Variants in ASTN2 observed in about 807,000 individuals in gnomAD.
ASTN2 encodes astrotactin 2.
ASTN2 carries 54 observed loss-of-function variants against 139.8 expected under a neutral mutation model. That is an observed-to-expected ratio of 0.39 (90% CI 0.31 to 0.48). ASTN2 has a LOEUF of 0.48. ASTN2 is among the 20% of genes least tolerant of loss of function. The pLI is 0.95. For missense variants in ASTN2, 1,565 were observed against 1,725.1 expected (o/e 0.91, Z 1.64); for synonymous variants, 756 against 719.5 (o/e 1.05, Z -0.81).
intron 19 of ASTN2, among the ~76,000 whole-genome samples, chr9:116,495,867 G>A (rs927579444): frequency 6.6e-6 from 1 of 152,016 alleles, no homozygotes. Context: ...TGCTTCCTCG[G>A]GCCCCTTCTT....
chr9:116,936,662 A>G (rs571522009), intron 10 of ASTN2, among the ~76,000 whole-genome samples: 40 of 152,204 alleles, frequency 2.6e-4, no homozygotes, highest in Non-Finnish European at 5.1e-4. Flanking sequence ...GGAATTTTCA[A>G]GCTGTAAAGT....
chr9:116,929,027 C>T (rs942647191), intron 10 of ASTN2, among the ~76,000 whole-genome samples: 1 of 152,200 alleles, frequency 6.6e-6, no homozygotes, highest in South Asian at 2.1e-4. Flanking sequence ...TCTGGCATTC[C>T]TCACATACGC....
At position 117,271,390 on chromosome 9, in the gene ASTN2, G is replaced by A. The variant is rs139634136; in HGVS notation, c.630+19936C>T. Among the ~76,000 whole-genome samples, 469 of 152,306 alleles carry A rather than the reference G, an allele frequency of 3.1e-3. 3 individuals carry two copies. Among genetic ancestry groups the A allele is most frequent in the African/African-American group, 0.01 (436 of 41,564 alleles). The stretch of plus-strand genomic sequence containing the variant: ...CCCACAACATGTGGGAATTCTGGGA[G>A]ATACAATTCAAGTTGAGATTTGGGT... On this transcript the variant is annotated intron_variant, in intron 2 of 22. Coordinates refer to ENST00000313400, the MANE Select transcript of ASTN2 (RefSeq NM_001365068.1).
intron 10 of ASTN2, among the ~76,000 whole-genome samples, chr9:116,896,954 T>C (rs1833894548): frequency 6.6e-6 from 1 of 152,126 alleles, no homozygotes; most frequent in Non-Finnish European, 1.5e-5. Flanking sequence ...GGCTACCAGG[T>C]GGGCAACAAG....
chr9:116,611,958 T>G lies in ASTN2; in HGVS notation c.3355+6366A>C, dbSNP rs1353674831. On this transcript the variant is annotated intron_variant, in intron 19 of 22. Transcript: ENST00000313400. ...AATGATCCTAATTAAAACAAACAGATAAAACAACCTACACATTCCTGGGAT... is the reference window on the plus strand; with the variant it reads ...AATGATCCTAATTAAAACAAACAGAGAAAACAACCTACACATTCCTGGGAT... The G allele has an allele frequency of 3.3e-5, 5 of 152,168 alleles. No individual in the cohort carries two copies. The East Asian group carries it at 9.6e-4, about 29-fold the overall frequency. The allele number at this position is 152,168 out of a possible 1,614,324, so 9.4% of individuals were successfully genotyped here. A position where few individuals can be genotyped will look rare whatever the true frequency, so the allele number is the denominator to read the frequency against.
chr9:116,579,444 T>C (rs905623617), intron 19 of ASTN2, among the ~76,000 whole-genome samples: 2 of 152,210 alleles, frequency 1.3e-5, no homozygotes, highest in African/African-American at 4.8e-5. Flanking sequence ...CAGGGTATAA[T>C]GTGAGAAGCA....
chr9:116,585,248 G>C (rs1268318306), intron 19 of ASTN2: 2 of 152,310 alleles, frequency 1.3e-5, no homozygotes, highest in African/African-American at 4.8e-5. Flanking sequence ...TCTCCTGACA[G>C]AGCATCAATT....
rs559471866 is a variant in ASTN2 at position 117,228,279 on chromosome 9, C to T, written c.631-13537G>A. ...GGTAACTCAAGCAGAGTAACTTAGG[C>T]GCAAAAGAAACAAAGCTGCAAATCT... is the stretch of plus-strand genomic sequence containing the variant. On this transcript the variant is annotated intron_variant, in intron 2 of 22. Coordinates refer to ENST00000313400, the MANE Select transcript of ASTN2 (RefSeq NM_001365068.1). Among the ~76,000 whole-genome samples, 9 of 152,188 alleles carry T rather than the reference C, an allele frequency of 5.9e-5. No homozygotes were observed. In the East Asian group the frequency reaches 9.7e-4, roughly 16 times the overall value.
At chr9:116,621,007 C>T (rs1856116442) in intron 17 of ASTN2, among the ~76,000 whole-genome samples, 1 of 152,198 alleles carries the variant, frequency 6.6e-6, no homozygotes, top group Non-Finnish European at 1.5e-5. Context: ...GTTCTCACCC[C>T]TGGCCACCTT....
intron 1 of ASTN2, among the ~76,000 whole-genome samples, chr9:117,307,657 C>T (rs1822959315): frequency 6.6e-6 from 1 of 152,192 alleles, no homozygotes; most frequent in Admixed American, 6.5e-5. Context: ...CACAGGTAGG[C>T]ACATGGCCAC....
intron 7 of ASTN2, among the ~76,000 whole-genome samples, chr9:117,006,797 C>G (rs532165120): frequency 3.9e-5 from 6 of 152,278 alleles, no homozygotes; most frequent in Non-Finnish European, 8.8e-5. Context: ...CACTCCCCAT[C>G]CTGGCCCCAC....
In ASTN2 at chr9:116,938,505, G is replaced by A. The variant is rs28494719; in HGVS notation, c.1889+36703C>T. Among the ~76,000 whole-genome samples the A allele has an allele frequency of 1.7e-3, 254 of 152,270 alleles. 3 individuals carry two copies. The highest frequency in any genetic ancestry group is 5.8e-3 in the African/African-American group (240 of 41,558). On this transcript the variant is annotated intron_variant, in intron 10 of 22. Coordinates refer to ENST00000313400, the MANE Select transcript of ASTN2 (RefSeq NM_001365068.1). ...GGCGGATCAACGGCACTGCCCTTGA[G>A]CTGGCTGCTGGCAGTTTCACAGGCC... is the stretch of plus-strand genomic sequence containing the variant.
At chr9:117,170,760 C>T (rs1371986758) in intron 3 of ASTN2, among the ~76,000 whole-genome samples, 2 of 152,018 alleles carry the variant, frequency 1.3e-5, no homozygotes, top group African/African-American at 4.8e-5. Context: ...CAGGCTTGGC[C>T]GTATCCCATT....
intron 10 of ASTN2, among the ~76,000 whole-genome samples, chr9:116,929,191 A>G (rs545375259): frequency 1.8e-4 from 28 of 152,260 alleles, no homozygotes; most frequent in African/African-American, 6.5e-4. Flanking sequence ...GACTAATAGG[A>G]CTTAGTACAC....
intron 1 of ASTN2, among the ~76,000 whole-genome samples, chr9:117,394,691 C>T (rs1024558292): frequency 1.3e-5 from 2 of 152,098 alleles, no homozygotes; most frequent in African/African-American, 4.8e-5. Context: ...AGCAAAGTCA[C>T]AGAAATGGGA....
At chr9:117,015,245 C>A (rs1485094307) in intron 6 of ASTN2, among the ~76,000 whole-genome samples, 4 of 152,050 alleles carry the variant, frequency 2.6e-5, no homozygotes, top group African/African-American at 9.7e-5. Flanking sequence ...TCTCAAACTC[C>A]TGGGCTCAAG....
intron 19 of ASTN2, among the ~76,000 whole-genome samples, chr9:116,524,520 T>A (rs1262564931): frequency 6.6e-6 from 1 of 152,152 alleles, no homozygotes; most frequent in East Asian, 1.9e-4. Context: ...TGGAGCAAGA[T>A]GACATGAGTT....
At chr9:116,721,429 G>A (rs1242590067) in intron 16 of ASTN2, among the ~76,000 whole-genome samples, 1 of 152,150 alleles carries the variant, frequency 6.6e-6, no homozygotes, top group Non-Finnish European at 1.5e-5. Context: ...CAAGTCAAAG[G>A]GTGAAATGGA....
chr9:117,394,329 A>C (rs181097273), intron 1 of ASTN2, among the ~76,000 whole-genome samples: 62 of 152,340 alleles, frequency 4.1e-4, no homozygotes, highest in African/African-American at 1.1e-3. Context: ...TGTGGCTATT[A>C]CTTAAATTTA....
Sources: allele counts gnomAD v4.1 joint callset (sites outside exome capture counted in the v4.1 genomes callset), GRCh38; gene constraint gnomAD v4.1.1; transcripts MANE v1.5; gene names NCBI Gene and HGNC (gene_info 2026-07-23, HGNC 2026-07-21).